RNF150: variants seen among roughly 807,000 people sequenced by gnomAD.
RNF150 encodes ring finger protein 150.
RNF150 carries 24 observed loss-of-function variants against 39.3 expected under a neutral mutation model. That is an observed-to-expected ratio of 0.61 (90% CI 0.44 to 0.86). The LOEUF is 0.86. RNF150 is among the 40% of genes least tolerant of loss of function. RNF150 has a pLI of 0.00. For synonymous variants in RNF150, 255 were observed against 227.3 expected (o/e 1.12, Z -1.10); for missense variants, 502 against 587.8 (o/e 0.85, Z 1.51).
At chr4:141,189,604 G>A (rs1045801290) in intron 1 of RNF150, among the ~76,000 whole-genome samples, 1 of 152,172 alleles carries the variant, frequency 6.6e-6, no homozygotes, top group African/African-American at 2.4e-5. Context: ...GCTCAGTGAG[G>A]AGGAATCTAG....
intron 1 of RNF150, among the ~76,000 whole-genome samples, chr4:141,068,135 G>T (rs1266225862): frequency 6.6e-6 from 1 of 152,050 alleles, no homozygotes; most frequent in African/African-American, 2.4e-5. Flanking sequence ...TAGTAGAGAT[G>T]GGGTTCACCA....
chr4:140,942,681 A>G (rs1336665970), intron 4 of RNF150, among the ~76,000 whole-genome samples: 1 of 152,236 alleles, frequency 6.6e-6, no homozygotes, highest in Admixed American at 6.5e-5. Flanking sequence ...TCCCTAATCC[A>G]AATAGCCAAA....
At chr4:141,088,416 G>C (rs11932194) in intron 1 of RNF150, among the ~76,000 whole-genome samples, 55,070 of 152,046 alleles carry the variant, frequency 0.36, 10,650 homozygotes, top group East Asian at 0.76. Context: ...GAAAGAACCT[G>C]AACCTGTTTG....
At chr4:141,150,127 A>G (rs1451859429) in intron 1 of RNF150, among the ~76,000 whole-genome samples, 1 of 152,230 alleles carries the variant, frequency 6.6e-6, no homozygotes, top group African/African-American at 2.4e-5. Flanking sequence ...TGATTCTGAA[A>G]GAACAAAAAT....
chr4:141,063,968 T>C lies in RNF150; in HGVS notation c.484+68357A>G, dbSNP rs564792340. 4.1e-5 allele frequency among the ~76,000 whole-genome samples: 5 copies of C among 123,352 alleles called. No homozygotes were observed. In the South Asian group the frequency reaches 1.2e-3, roughly 31 times the overall value. The allele number at this position is 123,352 out of a possible 152,430, so 80.9% of individuals were successfully genotyped here. On this transcript the variant is annotated intron_variant, in intron 1 of 6. Coordinates refer to ENST00000515673, the MANE Select transcript of RNF150 (RefSeq NM_020724.2). ...TTAAACTATAAGAACCATTTTGTAA[T>C]GAATCAACGACAAAAAGTTCTACAA...
chr4:141,154,841 G>C (rs1026442261), intron 1 of RNF150, among the ~76,000 whole-genome samples: 1 of 152,184 alleles, frequency 6.6e-6, no homozygotes, highest in African/African-American at 2.4e-5. Flanking sequence ...TTCAGATGCA[G>C]TGTCTCATTT....
rs751519325 is a variant in RNF150 at position 140,911,143 on chromosome 4, C to CTGTT, written c.1195_1198dup (p.Ser400LysfsTer3). The CTGTT allele has an allele frequency of 6.2e-6, 10 of 1,611,544 alleles. No homozygotes were observed. The highest frequency in any genetic ancestry group is 2.2e-5 in the East Asian group (1 of 44,874). On this transcript the variant is annotated frameshift_variant and splice_region_variant. Coordinates refer to ENST00000515673, the MANE Select transcript of RNF150 (RefSeq NM_020724.2). LOFTEE classifies it high-confidence loss of function. ...GTCACTTTAAGTATGGCAGAACTCA[C>CTGTT]TGTTAGTAGTAAAGATGACGTCTCC...
chr4:141,097,224 A>G (rs1738823810), intron 1 of RNF150, among the ~76,000 whole-genome samples: 1 of 152,100 alleles, frequency 6.6e-6, no homozygotes, highest in South Asian at 2.1e-4. Flanking sequence ...TCTTGTGTGC[A>G]CCTCCATACC....
intron 1 of RNF150, among the ~76,000 whole-genome samples, chr4:141,057,760 A>G (rs192537931): frequency 1.2e-3 from 178 of 152,114 alleles, no homozygotes; most frequent in African/African-American, 4.2e-3. Flanking sequence ...TCTTTACTTC[A>G]CACATAGCAA....
At chr4:141,155,618 A>G (rs1356654711) in intron 1 of RNF150, among the ~76,000 whole-genome samples, 3 of 152,182 alleles carry the variant, frequency 2.0e-5, no homozygotes, top group Non-Finnish European at 4.4e-5. Flanking sequence ...TAGTAAGCAA[A>G]CATGAATGTT....
intron 1 of RNF150, among the ~76,000 whole-genome samples, chr4:141,079,894 A>G (rs372655743): frequency 9.2e-5 from 14 of 152,210 alleles, no homozygotes; most frequent in African/African-American, 3.1e-4. Context: ...CAGTTCTCTT[A>G]TAAGTAAATG....
chr4:140,986,237 C>G (rs552211667), intron 1 of RNF150, among the ~76,000 whole-genome samples: 1 of 152,196 alleles, frequency 6.6e-6, no homozygotes, highest in Non-Finnish European at 1.5e-5. Context: ...CGTCTGCTTT[C>G]TAGAACCTGA....
At chr4:140,955,411 A>G (rs73857144) in intron 2 of RNF150, among the ~76,000 whole-genome samples, 2,677 of 152,176 alleles carry the variant, frequency 0.018, 85 homozygotes, top group African/African-American at 0.059. Flanking sequence ...TCTTTGTCCT[A>G]TTTTTGTCAC....
chr4:140,997,283 T>G (rs1049587742), intron 1 of RNF150, among the ~76,000 whole-genome samples: 1 of 152,210 alleles, frequency 6.6e-6, no homozygotes, highest in African/African-American at 2.4e-5. Flanking sequence ...GAAATTGTGG[T>G]ATACATACTA....
chr4:141,158,981 G>A (rs904008672), intron 1 of RNF150, among the ~76,000 whole-genome samples: 21 of 152,166 alleles, frequency 1.4e-4, no homozygotes, highest in Admixed American at 1.4e-3. Context: ...TTTAAAATAT[G>A]TATGGTGTGA....
intron 1 of RNF150, among the ~76,000 whole-genome samples, chr4:141,177,562 T>C (rs1013143633): frequency 6.6e-6 from 1 of 152,150 alleles, no homozygotes; most frequent in Non-Finnish European, 1.5e-5. Flanking sequence ...AGCATTTTAT[T>C]ATCCTGGAAT....
chr4:140,913,199 T>G (rs1219437582), intron 5 of RNF150, among the ~76,000 whole-genome samples: 1 of 152,130 alleles, frequency 6.6e-6, no homozygotes, highest in African/African-American at 2.4e-5. Flanking sequence ...AGGCGGAGGT[T>G]GCAGTGAGCC....
chr4:140,940,051 A>G (rs1396602176), intron 4 of RNF150, among the ~76,000 whole-genome samples: 2 of 152,184 alleles, frequency 1.3e-5, no homozygotes, highest in African/African-American at 4.8e-5. Flanking sequence ...TGTGTTGTGT[A>G]TAAAGCACAA....
intron 1 of RNF150, among the ~76,000 whole-genome samples, chr4:141,151,463 G>GACAC (rs869257205): frequency 1.6e-4 from 1 of 6,106 alleles, no homozygotes; most frequent in African/African-American, 3.4e-4. Flanking sequence ...CACACACACA[G>GACAC]ACACACACAC....
Sources: gnomAD v4.1 joint callset for allele counts (sites outside exome capture counted in the v4.1 genomes callset) on GRCh38, gnomAD v4.1.1 for gene constraint, MANE v1.5 for transcripts, NCBI Gene and HGNC (gene_info 2026-07-23, HGNC 2026-07-21) for gene names.